CHRM3: variants seen among roughly 807,000 people sequenced by gnomAD.
The protein encoded by CHRM3 is cholinergic receptor muscarinic 3, also known as muscarinic acetylcholine receptor M3.
In CHRM3, 11 loss-of-function variants were observed where a neutral mutation model predicts 41.8. The ratio of observed to expected loss-of-function variants is 0.26; its 90% confidence interval spans 0.17 to 0.44. The LOEUF is 0.44. Among genes scored for constraint, CHRM3 ranks in the 20% least tolerant of loss-of-function variants. The pLI is 1.00. For synonymous variants in CHRM3, 297 were observed against 301.4 expected (o/e 0.99, Z 0.15); for missense variants, 571 against 745.4 (o/e 0.77, Z 2.72).
chr1:239,484,842 C>T (rs1419271805), intron 1 of CHRM3, among the ~76,000 whole-genome samples: 3 of 152,102 alleles, frequency 2.0e-5, no homozygotes, highest in African/African-American at 7.2e-5. Context: ...CCTTGGGCAG[C>T]TGTGCTCTGA....
chr1:239,455,972 GGGA>G (rs1664902569), intron 1 of CHRM3, among the ~76,000 whole-genome samples: 1 of 152,126 alleles, frequency 6.6e-6, no homozygotes, highest in Admixed American at 6.5e-5. Flanking sequence ...ACGAGGAAAT[GGGA>G]GGTCAGCCTC....
At chr1:239,581,906 C>G (rs929048879) in intron 3 of CHRM3, among the ~76,000 whole-genome samples, 5 of 152,262 alleles carry the variant, frequency 3.3e-5, no homozygotes, top group Non-Finnish European at 7.4e-5. Context: ...TGGAGCAGAG[C>G]AAATTTTGCC....
At chr1:239,662,890 CTCCTCTTCT>C (rs889422211) in intron 4 of CHRM3, among the ~76,000 whole-genome samples, 2 of 14,894 alleles carry the variant, frequency 1.3e-4, no homozygotes, top group Non-Finnish European at 2.2e-4. Context: ...CCTCTTCCTC[CTCCTCTTCT>C]TCTTCTTCTT....
chr1:239,500,653 G>T (rs981129875), intron 2 of CHRM3, among the ~76,000 whole-genome samples: 3 of 147,998 alleles, frequency 2.0e-5, no homozygotes, highest in Non-Finnish European at 3.0e-5. Flanking sequence ...CGAAAAAAAA[G>T]CATAAATGAC....
chr1:239,566,362 A>G (rs1661363996), intron 3 of CHRM3, among the ~76,000 whole-genome samples: 1 of 152,208 alleles, frequency 6.6e-6, no homozygotes, highest in Non-Finnish European at 1.5e-5. Context: ...GACATTACTC[A>G]CTTTGGAATG....
At chr1:239,752,832 C>A (rs1007227057) in intron 5 of CHRM3, among the ~76,000 whole-genome samples, 2 of 151,788 alleles carry the variant, frequency 1.3e-5, no homozygotes, top group African/African-American at 4.8e-5. Context: ...TAGGCTTAAA[C>A]TATAATAGGG....
chr1:239,544,746 AC>A (rs1403014538), intron 2 of CHRM3, among the ~76,000 whole-genome samples: 2 of 152,224 alleles, frequency 1.3e-5, no homozygotes, highest in Non-Finnish European at 2.9e-5. Context: ...ACATACAAAG[AC>A]GAGTAGAATA....
In CHRM3 at chr1:239,635,108, C is replaced by T. The variant is rs1670316882; in HGVS notation, c.-250+2822C>T. Reference sequence around the variant, plus strand: ...TTTCTTCCAAATACATCCTGAATCCCTTGTCTCTTTTGTTATGACTCTACT... The same window carrying T: ...TTTCTTCCAAATACATCCTGAATCCTTTGTCTCTTTTGTTATGACTCTACT... On this transcript the variant is annotated intron_variant, in intron 4 of 6. Transcript: ENST00000676153. Among the ~76,000 whole-genome samples the T allele has an allele frequency of 2.0e-5, 3 of 152,126 alleles. No individual in the cohort carries two copies. The South Asian group carries it at 6.2e-4, about 32-fold the overall frequency.
At chr1:239,453,294 A>G (rs952626131) in intron 1 of CHRM3, among the ~76,000 whole-genome samples, 6 of 152,220 alleles carry the variant, frequency 3.9e-5, no homozygotes, top group African/African-American at 1.2e-4. Context: ...TTTTATTCCT[A>G]CCTTACAATG....
At chr1:239,519,045 A>T (rs1005170262) in intron 2 of CHRM3, among the ~76,000 whole-genome samples, 2 of 152,060 alleles carry the variant, frequency 1.3e-5, no homozygotes, top group African/African-American at 4.8e-5. Context: ...AAAAGTCTCT[A>T]TTTTTTTCAG....
intron 2 of CHRM3, among the ~76,000 whole-genome samples, chr1:239,509,006 AG>A (rs1668755437): frequency 6.6e-6 from 1 of 152,222 alleles, no homozygotes; most frequent in South Asian, 2.1e-4. Flanking sequence ...CACAGCAAAA[AG>A]ACTAGGTCTG....
chr1:239,538,065 A>C (rs1354958947), intron 2 of CHRM3, among the ~76,000 whole-genome samples: 1 of 152,244 alleles, frequency 6.6e-6, no homozygotes, highest in South Asian at 2.1e-4. Flanking sequence ...TTGAAGGGGC[A>C]GAAGAGAAAA....
chr1:239,397,948 A>G (rs1376251503), intron 1 of CHRM3, among the ~76,000 whole-genome samples: 1 of 152,000 alleles, frequency 6.6e-6, no homozygotes, highest in Non-Finnish European at 1.5e-5. Context: ...AGAAGTAAAC[A>G]TCAATATTCC....
chr1:239,782,604 C>T (rs941883863), intron 5 of CHRM3, among the ~76,000 whole-genome samples: 6 of 152,084 alleles, frequency 3.9e-5, no homozygotes, highest in African/African-American at 7.2e-5. Flanking sequence ...TTGTAGAAAT[C>T]GGTTTCATTG....
chr1:239,523,913 A>G (rs564439865), intron 2 of CHRM3, among the ~76,000 whole-genome samples: 1 of 152,332 alleles, frequency 6.6e-6, no homozygotes, highest in South Asian at 2.1e-4. Context: ...ATAATAAATT[A>G]ATGAATGGAA....
At chr1:239,851,834 A>G (rs1204914755) in intron 6 of CHRM3, among the ~76,000 whole-genome samples, 1 of 152,120 alleles carries the variant, frequency 6.6e-6, no homozygotes, top group Non-Finnish European at 1.5e-5. Context: ...GACACTTTAT[A>G]AAAAAGCAGT....
At chr1:239,540,667 C>G (rs1311146818) in intron 2 of CHRM3, among the ~76,000 whole-genome samples, 1 of 152,144 alleles carries the variant, frequency 6.6e-6, no homozygotes, top group Admixed American at 6.6e-5. Context: ...TTATTTTCAG[C>G]ATACTAACTT....
intron 1 of CHRM3, among the ~76,000 whole-genome samples, chr1:239,487,338 C>A (rs986315656): frequency 6.6e-6 from 1 of 152,086 alleles, no homozygotes; most frequent in African/African-American, 2.4e-5. Flanking sequence ...CAGAAAACCC[C>A]TTGAAAATAA....
intron 3 of CHRM3, among the ~76,000 whole-genome samples, chr1:239,606,522 C>T (rs1393773710): frequency 1.3e-5 from 2 of 152,180 alleles, no homozygotes; most frequent in African/African-American, 4.8e-5. Context: ...GATCTGCCCG[C>T]CTTGGCCTCC....
Sources: allele counts gnomAD v4.1 joint callset (sites outside exome capture counted in the v4.1 genomes callset), GRCh38; gene constraint gnomAD v4.1.1; transcripts MANE v1.5; gene names NCBI Gene and HGNC (gene_info 2026-07-23, HGNC 2026-07-21).